The following SDCBP variants were observed in gnomAD, a reference collection of about 807,000 sequenced individuals.
SDCBP encodes syndecan binding protein.
A neutral mutation model predicts 30.5 loss-of-function variants in SDCBP; 22 were observed. The ratio of observed to expected loss-of-function variants is 0.72; its 90% CI spans 0.52 to 1.03. The LOEUF is 1.03. Among genes scored for constraint, SDCBP ranks in the 50% least tolerant of loss-of-function variants. SDCBP has a pLI of 0.00. For missense variants in SDCBP, 304 were observed against 369.9 expected, an observed-to-expected ratio of 0.82 and a Z score of 1.46; for synonymous variants, 103 against 118.7, an observed-to-expected ratio of 0.87 and a Z score of 0.86.
At chr8:58,554,324 G>T (rs920942140) in intron 1 of SDCBP, among the ~76,000 whole-genome samples, 1 of 152,218 alleles carries the variant, frequency 6.6e-6, no homozygotes, top group Non-Finnish European at 1.5e-5. Flanking sequence ...TATGTGATTA[G>T]TTAAAACTCA....
Position 58,578,014 on chromosome 8 carries a change from T to A in SDCBP, c.403-19T>A. 6.3e-7 allele frequency: 1 copy of A among 1,599,660 alleles called. No homozygotes were observed. Among genetic ancestry groups the A allele is most frequent in the Non-Finnish European group, 8.6e-7 (1 of 1,168,016 alleles). On this transcript the variant is annotated intron_variant, in intron 5 of 8. Coordinates refer to ENST00000260130, the MANE Select transcript of SDCBP (RefSeq NM_005625.4). Reference sequence around the variant, plus strand: ...TCATAGTAGTGGTAAATGACAAAAATTATTTTCTTATTATCTAGGGTATAT... The same window carrying A: ...TCATAGTAGTGGTAAATGACAAAAAATATTTTCTTATTATCTAGGGTATAT...
intron 1 of SDCBP, chr8:58,560,411 T>C (rs1804374735): frequency 6.6e-6 from 1 of 152,184 alleles, no homozygotes; most frequent in Admixed American, 6.6e-5. Flanking sequence ...GGAGAGAGAA[T>C]AGTGGAGTAT....
intron 2 of SDCBP, among the ~76,000 whole-genome samples, chr8:58,567,843 ATTTGTGTATC>A (rs1643090582): frequency 6.6e-6 from 1 of 152,204 alleles, no homozygotes; most frequent in Admixed American, 6.5e-5. Flanking sequence ...ACACAATAGT[ATTTGTGTATC>A]TAAACACAGA....
chr8:58,569,458 C>T (rs988038513), intron 2 of SDCBP, among the ~76,000 whole-genome samples: 1 of 152,190 alleles, frequency 6.6e-6, no homozygotes, highest in Non-Finnish European at 1.5e-5. Flanking sequence ...CTTCAGCTTC[C>T]CAAAGTGCTG....
In SDCBP at chr8:58,581,567, C is replaced by T. The variant is rs940857620; in HGVS notation, c.843-119C>T. The stretch of plus-strand genomic sequence containing the variant: ...ATTTAAAAGATCTTTCCCTTCTCTC[C>T]ATTCATATTTGATGCTAACAGGTGC... On this transcript the variant is annotated intron_variant, in intron 8 of 8. Transcript: ENST00000260130. 10 of 723,892 alleles carry T rather than the reference C, an allele frequency of 1.4e-5. No individual in the cohort carries two copies. The African/African-American group carries it at 1.4e-4, about 10-fold the overall frequency. 44.8% of individuals were successfully genotyped at this position (723,892 alleles called of 1,614,324 possible). A position where few individuals can be genotyped will look rare whatever the true frequency, so the allele number is the denominator to read the frequency against.
intron 1 of SDCBP, among the ~76,000 whole-genome samples, chr8:58,558,068 A>T (rs1481955607): frequency 1.3e-5 from 2 of 152,160 alleles, no homozygotes; most frequent in African/African-American, 4.8e-5. Flanking sequence ...TAGGTCAAAG[A>T]TTTAAATATA....
chr8:58,556,762 T>C (rs1383796333), intron 1 of SDCBP, among the ~76,000 whole-genome samples: 1 of 150,542 alleles, frequency 6.6e-6, no homozygotes, highest in Non-Finnish European at 1.5e-5. Context: ...GAGGTTACTC[T>C]TATATTGCCC....
At chr8:58,556,874 CAT>C (rs1804137885) in intron 1 of SDCBP, among the ~76,000 whole-genome samples, 2 of 66,346 alleles carry the variant, frequency 3.0e-5, no homozygotes, top group African/African-American at 5.1e-5. Context: ...ATATATAATA[CAT>C]ATATATTATA....
rs28477664 is a variant in SDCBP, at chr8:58,554,444, A to G, written c.-16+1141A>G. The stretch of plus-strand genomic sequence containing the variant: ...TTAATTCTATAAAATTTGTGCCTTA[A>G]ATGGTACATAAATATTATAAATCTA... On this transcript the variant is annotated intron_variant, in intron 1 of 8. Transcript: ENST00000260130. 8.9e-3 allele frequency among the ~76,000 whole-genome samples: 1,348 copies of G among 152,300 alleles called. 22 individuals carry two copies. The highest frequency in any genetic ancestry group is 0.03 in the African/African-American group (1,261 of 41,546).
chr8:58,561,728 A>T (rs1381155473), intron 1 of SDCBP: 1 of 680,408 alleles, frequency 1.5e-6, no homozygotes, highest in Non-Finnish European at 2.7e-6. Context: ...AGTATGTTCA[A>T]CATGAAAGTA....
chr8:58,553,510 A>G (rs1803923085), intron 1 of SDCBP, among the ~76,000 whole-genome samples: 1 of 151,554 alleles, frequency 6.6e-6, no homozygotes, highest in Admixed American at 6.5e-5. Flanking sequence ...TTGCGGGAGC[A>G]GCGCGCTCTT....
At chr8:58,579,008 G>A (rs1345677826) in intron 6 of SDCBP, among the ~76,000 whole-genome samples, 1 of 152,184 alleles carries the variant, frequency 6.6e-6, no homozygotes, top group Non-Finnish European at 1.5e-5. Flanking sequence ...TGATAACAGA[G>A]TTTATAGAGA....
intron 1 of SDCBP, among the ~76,000 whole-genome samples, chr8:58,558,383 G>T (rs1804265794): frequency 6.6e-6 from 1 of 152,156 alleles, no homozygotes; most frequent in Admixed American, 6.5e-5. Flanking sequence ...CTTTGCTCAA[G>T]TGGTCCTCCT....
chr8:58,562,621 GT>G (rs1222842383), intron 1 of SDCBP, among the ~76,000 whole-genome samples: 1 of 152,110 alleles, frequency 6.6e-6, no homozygotes, highest in African/African-American at 2.4e-5. Flanking sequence ...AAATAACTGG[GT>G]TTCCACATGG....
chr8:58,561,840 T>A (rs1343746761), intron 1 of SDCBP: 2 of 655,994 alleles, frequency 3.0e-6, no homozygotes, highest in Non-Finnish European at 5.4e-6. Context: ...AAGACAAAAG[T>A]TTAAGTGCCT....
chr8:58,561,673 A>G (rs1804448093), intron 1 of SDCBP: 5 of 605,940 alleles, frequency 8.3e-6, no homozygotes, highest in Middle Eastern at 5.1e-4. Flanking sequence ...CATCACCACT[A>G]TATCTGACTT....
intron 2 of SDCBP, among the ~76,000 whole-genome samples, chr8:58,569,041 A>G (rs1804869118): frequency 6.6e-6 from 1 of 151,998 alleles, no homozygotes; most frequent in South Asian, 2.1e-4. Context: ...TAGTTTAAAA[A>G]GAAAATTTTT....
chr8:58,574,670 G>C (rs1015075993), intron 4 of SDCBP, among the ~76,000 whole-genome samples: 1 of 151,738 alleles, frequency 6.6e-6, no homozygotes, highest in African/African-American at 2.4e-5. Context: ...TTCTTCTCTT[G>C]ATGTTCCATC....
intron 2 of SDCBP, among the ~76,000 whole-genome samples, chr8:58,565,345 T>C (rs1326056746): frequency 6.6e-6 from 1 of 152,120 alleles, no homozygotes; most frequent in South Asian, 2.1e-4. Context: ...AAAATTTAAT[T>C]ATATGTAACA....
Sources: gnomAD v4.1 joint callset for allele counts (sites outside exome capture counted in the v4.1 genomes callset) on GRCh38, gnomAD v4.1.1 for gene constraint, MANE v1.5 for transcripts, NCBI Gene and HGNC (gene_info 2026-07-23, HGNC 2026-07-21) for gene names.